PLEKHG5: variants seen among roughly 807,000 people sequenced by gnomAD.
PLEKHG5 encodes the protein pleckstrin homology domain-containing family G member 5.
Under a neutral mutation model 103.8 loss-of-function variants are expected in PLEKHG5, and 52 were observed. That is an observed-to-expected ratio of 0.50 (90% CI 0.40 to 0.63). The LOEUF (loss-of-function observed/expected upper bound fraction) is 0.63. Ranked by LOEUF, PLEKHG5 falls within the 30% of genes least tolerant of loss-of-function variation. The probability of loss-of-function intolerance (pLI) is 0.00; values close to 1 mark genes in which losing one functional copy is unlikely to be tolerated. For synonymous variants in PLEKHG5, 592 were observed against 575.5 expected, an observed-to-expected ratio of 1.03 and a Z score of -0.41; for missense variants, 1,205 against 1,347.6, an observed-to-expected ratio of 0.89 and a Z score of 1.66.
At chr1:6,511,058 C>T (rs1220223941) in intron 1 of PLEKHG5, among the ~76,000 whole-genome samples, 1 of 152,018 alleles carries the variant, frequency 6.6e-6, no homozygotes. Flanking sequence ...CACTACACTC[C>T]AGCCTCAGCG....
At chr1:6,496,604 G>C (rs1401699380), upstream of PLEKHG5, 2 of 1,475,552 alleles carry the variant, frequency 1.4e-6, no homozygotes, top group Admixed American at 4.3e-5. Context: ...CAGTCAGCGG[G>C]GCACCCAGGC....
intron 1 of PLEKHG5, among the ~76,000 whole-genome samples, chr1:6,506,589 C>T (rs958963754): frequency 2.0e-5 from 3 of 152,214 alleles, no homozygotes; most frequent in South Asian, 2.1e-4. Context: ...CCTGTGACCC[C>T]GCTCCCAGCC....
exon 1 of PLEKHG5, chr1:6,519,778 G>C: frequency 5.2e-6 from 3 of 579,848 alleles, no homozygotes; most frequent in Non-Finnish European, 9.2e-6. Context: ...CACAGACTTC[G>C]CAGCCGCCGC....
Position 6,513,447 on chromosome 1 carries a change from A to G in PLEKHG5, c.-165+5998T>C, listed in dbSNP as rs374097949. Among the ~76,000 whole-genome samples, 112 of 152,336 alleles carry G rather than the reference A, an allele frequency of 7.4e-4. 1 individual carries two copies. Among genetic ancestry groups the G allele is most frequent in the African/African-American group, 2.7e-3 (111 of 41,586 alleles). On this transcript the variant is annotated intron_variant, in intron 1 of 21. Transcript: ENST00000377740. Reference sequence around the variant, plus strand: ...GAAGCTGAGACTCAGACTAAGACCCAGCAGCTGCCACCTGCCGGGGATTTT... The same window carrying G: ...GAAGCTGAGACTCAGACTAAGACCCGGCAGCTGCCACCTGCCGGGGATTTT...
At chr1:6,471,403 TG>T in intron 12 of PLEKHG5, 84 bp downstream of exon 12, 1 of 1,449,618 alleles carries the variant, frequency 6.9e-7, no homozygotes, top group Non-Finnish European at 9.3e-7. Flanking sequence ...TTGGGGATGC[TG>T]GGCAGACCGG....
At position 6,486,155 on chromosome 1, in the gene PLEKHG5, G is replaced by A. The variant is rs958484641; in HGVS notation, c.-88+5482C>T. Among the ~76,000 whole-genome samples, 1 of 149,272 alleles carries A rather than the reference G, an allele frequency of 6.7e-6. No homozygotes were observed. Among genetic ancestry groups the A allele is most frequent in the African/African-American group, 2.5e-5 (1 of 40,474 alleles). On this transcript the variant is annotated intron_variant, in intron 1 of 20. Transcript: ENST00000377728. The surrounding 1 kb of genome is among the most constrained non-coding windows in gnomAD (Gnocchi z 5.3). Reference sequence around the variant, plus strand: ...CTTCCTCCTGGAGACCCCCACCCCCGCCTCGGAGCCTCAGCCCAGGGGACC... The same window carrying A: ...CTTCCTCCTGGAGACCCCCACCCCCACCTCGGAGCCTCAGCCCAGGGGACC...
chr1:6,470,680 T>TGACGGAGCAGAGAGCCGCGCAGGGGG, intron 14 of PLEKHG5, 37 bp from the exon 15 acceptor site: 1 of 1,554,834 alleles, frequency 6.4e-7, no homozygotes, highest in Non-Finnish European at 8.7e-7. Context: ...TCCAGGGTCA[T>TGACGGAGCAGAGAGCCGCGCAGGGGG]GACGGAGCAG....
upstream of PLEKHG5, among the ~76,000 whole-genome samples, chr1:6,499,659 A>G (rs1245375825): frequency 6.6e-6 from 1 of 152,024 alleles, no homozygotes; most frequent in Non-Finnish European, 1.5e-5. Context: ...AGTCCCCACC[A>G]TAGGCCTGTC....
At position 6,505,413 on chromosome 1, in the gene PLEKHG5, A is replaced by G. The variant is rs995406224; in HGVS notation, c.-164-8844T>C. Among the ~76,000 whole-genome samples, 1 of 151,906 alleles carries G rather than the reference A, an allele frequency of 6.6e-6. No homozygotes were observed. The highest frequency in any genetic ancestry group is 2.4e-5 in the African/African-American group (1 of 41,322). ...TTGAAGCTCCCTGTGTGTCATCCCCATTAGTGCTCTCAGCCTCCCAGTGAC... is the reference window on the plus strand; with the variant it reads ...TTGAAGCTCCCTGTGTGTCATCCCCGTTAGTGCTCTCAGCCTCCCAGTGAC... On this transcript the variant is annotated intron_variant, in intron 1 of 21. Coordinates refer to the PLEKHG5 transcript ENST00000377740. This position sits in a 1 kb window ranked among gnomAD's most constrained non-coding sequence, Gnocchi z 4.2.
intron 3 of PLEKHG5, 73 bp downstream of exon 3, chr1:6,475,858 T>G (rs1450898132): frequency 1.7e-6 from 2 of 1,209,608 alleles, no homozygotes; most frequent in Non-Finnish European, 2.5e-6. Context: ...GAGCATCTGG[T>G]CCTGAATGTC....
intron 1 of PLEKHG5, among the ~76,000 whole-genome samples, chr1:6,515,526 C>CA (rs369698031): frequency 0.013 from 1,800 of 142,198 alleles, 38 homozygotes; most frequent in African/African-American, 0.043. Flanking sequence ...GACACTGTCT[C>CA]AAAAAAAAAA....
upstream of PLEKHG5, among the ~76,000 whole-genome samples, chr1:6,491,888 C>T (rs1454078468): frequency 2.0e-5 from 3 of 152,210 alleles, no homozygotes; most frequent in East Asian, 1.9e-4. This position sits in a 1 kb window ranked among gnomAD's most constrained non-coding sequence, Gnocchi z 4.1. Flanking sequence ...ACCTCCACTT[C>T]GGGGATAGCT....
rs74049587 is a variant in PLEKHG5, at chr1:6,473,944, G to C, written c.591+69C>G. 3.9e-3 allele frequency: 5,635 copies of C among 1,449,518 alleles called. 225 individuals are homozygous for C. The African/African-American group carries it at 0.075, about 19-fold the overall frequency. 89.8% of individuals were successfully genotyped at this position (1,449,518 alleles called of 1,614,324 possible). A position where few individuals can be genotyped will look rare whatever the true frequency, so the allele number is the denominator to read the frequency against. ...TGAGAGACCCAGGGTGACTGCCTCT[G>C]AGGAGGGGCTGTGGGCCCAGCCTGG... On this transcript the variant is annotated intron_variant, in intron 7 of 20. Transcript: ENST00000377728.
At chr1:6,510,882 A>G (rs1638452308) in intron 1 of PLEKHG5, among the ~76,000 whole-genome samples, 2 of 152,148 alleles carry the variant, frequency 1.3e-5, no homozygotes, top group African/African-American at 2.4e-5. Context: ...TTAGGTCAGG[A>G]GTTCGAGACT....
In PLEKHG5 at chr1:6,467,584, G is replaced by A. The variant is rs752907238; in HGVS notation, c.3012-12C>T. The A allele has an allele frequency of 2.6e-5, 42 of 1,612,878 alleles. No homozygotes were observed. The highest frequency in any genetic ancestry group is 3.2e-5 in the Non-Finnish European group (38 of 1,179,472). ...CTGCTCAGACCTCCCTACAGGGTGG[G>A]GAGGGGACAGAGTCCTTCTTTGGCT... On this transcript the variant is annotated splice_polypyrimidine_tract_variant and intron_variant, in intron 20 of 20. Coordinates refer to ENST00000377728, the MANE Select transcript of PLEKHG5 (RefSeq NM_020631.6).
At chr1:6,469,983 C>T (rs1644518300) in intron 16 of PLEKHG5, among the ~76,000 whole-genome samples, 1 of 152,208 alleles carries the variant, frequency 6.6e-6, no homozygotes, top group South Asian at 2.1e-4. Context: ...GTTCCTGGCC[C>T]ACTTGTGGAA....
intron 1 of PLEKHG5, among the ~76,000 whole-genome samples, chr1:6,479,212 T>C (rs1644838657): frequency 6.6e-6 from 1 of 152,190 alleles, no homozygotes; most frequent in South Asian, 2.1e-4. Context: ...AATAACGTTC[T>C]TACAGATATA....
At chr1:6,474,248 A>G (rs1295070926) in intron 6 of PLEKHG5, 84 bp from the exon 7 acceptor site, 3 of 1,527,230 alleles carry the variant, frequency 2.0e-6, no homozygotes, top group Non-Finnish European at 2.7e-6. Context: ...CGGAGGATCC[A>G]CACCAAGGCC....
At chr1:6,509,688 C>T (rs910481454) in intron 1 of PLEKHG5, among the ~76,000 whole-genome samples, 38 of 152,218 alleles carry the variant, frequency 2.5e-4, no homozygotes, top group African/African-American at 9.2e-4. Flanking sequence ...TGAGGGCAGC[C>T]CCCGGCAGGG....
Sources: allele counts gnomAD v4.1 joint callset (sites outside exome capture counted in the v4.1 genomes callset), GRCh38; gene constraint gnomAD v4.1.1; non-coding constraint Gnocchi (gnomAD v3.1); transcripts MANE v1.5; gene names NCBI Gene and HGNC (gene_info 2026-07-23, HGNC 2026-07-21).